Variants in ITSN1 observed in about 807,000 individuals in gnomAD.
ITSN1 encodes intersectin 1, also known as intersectin-1.
ITSN1 carries 58 observed loss-of-function variants against 239.8 expected under a neutral mutation model. The ratio of observed to expected loss-of-function variants is 0.24; its 90% confidence interval spans 0.20 to 0.30. ITSN1 has a LOEUF of 0.30. ITSN1 is among the 10% of genes least tolerant of loss of function. ITSN1 has a pLI of 1.00. For missense variants in ITSN1, 1,558 were observed against 2,103.3 expected (o/e 0.74, Z 5.07); for synonymous variants, 780 against 770.8 (o/e 1.01, Z -0.20).
At chr21:33,683,118 G>A (rs1322829507) in intron 1 of ITSN1, among the ~76,000 whole-genome samples, 1 of 151,994 alleles carries the variant, frequency 6.6e-6, no homozygotes, top group African/African-American at 2.4e-5. Context: ...GTAGACAGTT[G>A]GCCTGAGGAA....
chr21:33,797,718 G>A lies in ITSN1; in HGVS notation c.2182+110G>A. The A allele has an allele frequency of 1.3e-6, 1 of 763,830 alleles. No homozygotes were observed. The highest frequency in any genetic ancestry group is 2.2e-6 in the Non-Finnish European group (1 of 465,052). The allele number at this position is 763,830 out of a possible 1,614,324, so 47.3% of individuals were successfully genotyped here. ...CTGTCTTGGCTACATTAACAGATGA[G>A]AACGTCAGTCTCTTATTTTGAGCAT... On this transcript the variant is annotated intron_variant, in intron 18 of 39. Coordinates refer to ENST00000381318, the MANE Select transcript of ITSN1 (RefSeq NM_003024.3). The surrounding 1 kb of genome is among the most constrained non-coding windows in gnomAD (Gnocchi z 4.9).
chr21:33,858,476 G>A lies in ITSN1; in HGVS notation c.3784-210G>A, dbSNP rs73201781. 0.22 allele frequency among the ~76,000 whole-genome samples: 34,020 copies of A among 152,124 alleles called. 4,634 individuals are homozygous for A. The highest frequency in any genetic ancestry group is 0.43 in the East Asian group (2,240 of 5,160). On this transcript the variant is annotated intron_variant, in intron 30 of 39. Coordinates refer to ENST00000381318, the MANE Select transcript of ITSN1 (RefSeq NM_003024.3). Reference sequence around the variant, plus strand: ...TGCCCTCCTTCCCCTGTAAAACAATGCAGGCCCTGCTGGGGACCCCCCTCC... The same window carrying A: ...TGCCCTCCTTCCCCTGTAAAACAATACAGGCCCTGCTGGGGACCCCCCTCC...
intron 22 of ITSN1, among the ~76,000 whole-genome samples, chr21:33,816,171 C>A (rs1226841226): frequency 6.6e-6 from 1 of 150,580 alleles, no homozygotes; most frequent in African/African-American, 2.4e-5. Flanking sequence ...TCAGCCTGGG[C>A]GACAGAGCAA....
intron 1 of ITSN1, among the ~76,000 whole-genome samples, chr21:33,658,310 T>C (rs1458493015): frequency 6.6e-6 from 1 of 151,928 alleles, no homozygotes; most frequent in Non-Finnish European, 1.5e-5. Context: ...TAGAAGAAAA[T>C]CTGAATATGA....
At chr21:33,843,603 T>C (rs761055109) in intron 29 of ITSN1, among the ~76,000 whole-genome samples, 18 of 152,234 alleles carry the variant, frequency 1.2e-4, no homozygotes, top group Non-Finnish European at 2.5e-4. Flanking sequence ...CCTAATATTT[T>C]ACTCCATTTC....
chr21:33,730,628 C>A (rs574259886), intron 4 of ITSN1, among the ~76,000 whole-genome samples: 2 of 152,002 alleles, frequency 1.3e-5, no homozygotes, highest in South Asian at 4.1e-4. Context: ...TCTTGAACTC[C>A]TGACCTCATG....
In ITSN1 at chr21:33,775,057, A is replaced by G. The variant is rs1381554892; in HGVS notation, c.1545A>G (p.Lys515=). 1.2e-6 allele frequency: 2 copies of G among 1,614,000 alleles called. No homozygotes were observed. The highest frequency in any genetic ancestry group is 1.7e-6 in the Non-Finnish European group (2 of 1,179,990). Residue 515 remains lysine, a synonymous_variant, in exon 14 of 40, where the codon AAA becomes AAG. Transcript: ENST00000381318. The part of the protein sequence containing the change: ...TQRQEIESTN[K]SRELRIAEIT... ...GGCAAGAAATTGAGAGCACAAACAA[A>G]TCTAGAGAGTTGAGAATTGCCGAAA...
At chr21:33,682,118 A>C (rs1568926864) in intron 1 of ITSN1, among the ~76,000 whole-genome samples, 1 of 151,856 alleles carries the variant, frequency 6.6e-6, no homozygotes, top group Non-Finnish European at 1.5e-5. Flanking sequence ...TTAAATATGC[A>C]TTAAATACAA....
chr21:33,713,031 C>T (rs1414442297), intron 1 of ITSN1, among the ~76,000 whole-genome samples: 2 of 152,012 alleles, frequency 1.3e-5, no homozygotes, highest in African/African-American at 4.8e-5. Context: ...GTGCCCACCA[C>T]CACGCCCATC....
At position 33,858,698 on chromosome 21, in the gene ITSN1, C is replaced by T; in HGVS notation, c.3796C>T (p.Pro1266Ser). The change falls in exon 31 of 40, where the codon CCC (proline) becomes TCC (serine). Residue 1266 changes from proline (P) to serine (S), a missense_variant. Physicochemically the swap from Pro to Ser is moderately conservative, Grantham distance 74. Transcript: ENST00000381318. ...LQLVTEIFQK[P>S]LMESELLTEK... ...TCTGCATCTGTAGATTTTTCAAAAA[C>T]CCCTGATGGAGTCTGAGCTGCTGAC... is the stretch of plus-strand genomic sequence containing the variant. The T allele has an allele frequency of 1.2e-6, 2 of 1,611,688 alleles. No individual in the cohort carries two copies. Among genetic ancestry groups the T allele is most frequent in the Non-Finnish European group, 1.7e-6 (2 of 1,178,586 alleles).
chr21:33,722,566 A>G (rs1164829311), intron 3 of ITSN1, 22 bp from the exon 4 acceptor site: 1 of 1,527,838 alleles, frequency 6.5e-7, no homozygotes, highest in Admixed American at 2.4e-5. Context: ...TTTTCCTGAA[A>G]CTTTTTCTGT....
rs1986807750 is a variant in ITSN1, at chr21:33,896,773, T to C, written c.*8473T>C. 1 of 152,256 alleles carries C rather than the reference T, an allele frequency of 6.6e-6. No individual in the cohort carries two copies. The highest frequency in any genetic ancestry group is 2.4e-5 in the African/African-American group (1 of 41,466). The allele number at this position is 152,256 out of a possible 1,614,324, so 9.4% of individuals were successfully genotyped here. A position where few individuals can be genotyped will look rare whatever the true frequency, so the allele number is the denominator to read the frequency against. On this transcript the variant is annotated 3_prime_UTR_variant, in exon 40 of 40. Coordinates refer to ENST00000381318, the MANE Select transcript of ITSN1 (RefSeq NM_003024.3). ...TTTTCCTGGGCTGGACGCTCCAAAA[T>C]GTTTGCAGTTCCATTTGCTTTTTGC...
At chr21:33,800,145 G>C (rs1036169273) in intron 19 of ITSN1, among the ~76,000 whole-genome samples, 1 of 152,022 alleles carries the variant, frequency 6.6e-6, no homozygotes, top group Non-Finnish European at 1.5e-5. Flanking sequence ...TTAAAATTGA[G>C]TTGATAAAGA....
Position 33,882,118 on chromosome 21 carries a change from C to A in ITSN1, c.4342-125C>A. ...TCTCTTGGCTCCAAAGTCTTCAAAG[C>A]TATCCTTGACTTTTGCCTGAGATCC... On this transcript the variant is annotated intron_variant, in intron 34 of 39. Coordinates refer to ENST00000381318, the MANE Select transcript of ITSN1 (RefSeq NM_003024.3). The surrounding 1 kb of genome is among the most constrained non-coding windows in gnomAD (Gnocchi z 4.5). 1.3e-6 allele frequency: 1 copy of A among 751,758 alleles called. No homozygotes were observed. The highest frequency in any genetic ancestry group is 2.1e-6 in the Non-Finnish European group (1 of 465,638). 46.6% of individuals were successfully genotyped at this position (751,758 alleles called of 1,614,324 possible).
chr21:33,725,414 G>A (rs1042334391), intron 4 of ITSN1, among the ~76,000 whole-genome samples: 11 of 151,952 alleles, frequency 7.2e-5, no homozygotes, highest in Non-Finnish European at 1.3e-4. Flanking sequence ...GATTACAGGC[G>A]TGAGTCACTG....
chr21:33,653,430 T>A (rs540254073), intron 1 of ITSN1, among the ~76,000 whole-genome samples: 43 of 152,384 alleles, frequency 2.8e-4, no homozygotes, highest in Admixed American at 8.5e-4. Context: ...TATGCTTTTT[T>A]AAAAATTCTC....
At chr21:33,768,343 G>A (rs193094362) in intron 11 of ITSN1, among the ~76,000 whole-genome samples, 3 of 152,196 alleles carry the variant, frequency 2.0e-5, no homozygotes, top group East Asian at 3.9e-4. Context: ...GTGGAGTGGC[G>A]CAATCTAGGC....
chr21:33,683,833 C>CT (rs1035979086), intron 1 of ITSN1, among the ~76,000 whole-genome samples: 5 of 152,258 alleles, frequency 3.3e-5, no homozygotes, highest in African/African-American at 1.2e-4. Context: ...ATGAATTTCT[C>CT]TATTTTAATA....
At chr21:33,684,245 A>G (rs1469422883) in intron 1 of ITSN1, among the ~76,000 whole-genome samples, 1 of 152,172 alleles carries the variant, frequency 6.6e-6, no homozygotes, top group East Asian at 1.9e-4. Flanking sequence ...ATTAGGGTCA[A>G]CTCACAGGTC....
Sources: gnomAD v4.1 joint callset for allele counts (sites outside exome capture counted in the v4.1 genomes callset) on GRCh38, gnomAD v4.1.1 for gene constraint, Gnocchi (gnomAD v3.1) non-coding constraint, MANE v1.5 for transcripts, NCBI Gene and HGNC (gene_info 2026-07-23, HGNC 2026-07-21) for gene names.